ANKRD62: variants seen among roughly 807,000 people sequenced by gnomAD.
ANKRD62 encodes ankyrin repeat domain-containing protein 62.
ANKRD62 carries 61 observed loss-of-function variants against 98.8 expected under a neutral mutation model. That is an observed-to-expected ratio of 0.62 (90% CI 0.50 to 0.76). ANKRD62 has a LOEUF of 0.76. Among genes scored for constraint, ANKRD62 ranks in the 30% least tolerant of loss-of-function variants. ANKRD62 has a pLI of 0.00. For missense variants in ANKRD62, 933 were observed against 1,082.9 expected, an observed-to-expected ratio of 0.86 and a Z score of 1.94; for synonymous variants, 341 against 367.9, an observed-to-expected ratio of 0.93 and a Z score of 0.84.
rs759945496 is a variant in ANKRD62 at position 12,126,058 on chromosome 18, G to A, written c.2237G>A (p.Arg746His). ...CAAGGAGTCCTAAGCCGAACACAGC[G>A]TCGATTGGAGGACATTGAACACATG... ...HMQGVLSRTQ[R>H]RLEDIEHMYQ... The change falls in exon 13 of 14, where the codon CGT (arginine) becomes CAT (histidine). Residue 746 changes from arginine to histidine, a missense_variant. By Grantham distance (29) the Arg-to-His change is conservative. Transcript: ENST00000587848. The A allele has an allele frequency of 2.6e-5, 40 of 1,536,198 alleles. No homozygotes were observed. The highest frequency in any genetic ancestry group is 1.2e-4 in the South Asian group (10 of 84,062).
chr18:12,167,726 G>C, the ANKRD62 span, among the ~76,000 whole-genome samples: 1 of 152,158 alleles, frequency 6.6e-6, no homozygotes, highest in Non-Finnish European at 1.5e-5. Context: ...CTTCCACAAT[G>C]GTTGAACTAG....
chr18:12,159,220 G>A, the ANKRD62 span, among the ~76,000 whole-genome samples: 1 of 152,274 alleles, frequency 6.6e-6, no homozygotes, highest in Non-Finnish European at 1.5e-5. Context: ...GCTTGGAAGA[G>A]GTGAGGAGAA....
downstream of ANKRD62, among the ~76,000 whole-genome samples, chr18:12,134,577 A>G (rs1312798165): frequency 3.3e-5 from 5 of 151,962 alleles, no homozygotes; most frequent in Non-Finnish European, 7.4e-5. Flanking sequence ...TCCTGTGTCC[A>G]GGTGTTCTCA....
At chr18:12,102,438 C>A (rs552889797) in intron 6 of ANKRD62, 8 of 474,498 alleles carry the variant, frequency 1.7e-5, no homozygotes, top group African/African-American at 9.7e-5. Flanking sequence ...CCTTGGGCAC[C>A]GCGAAGGGTA....
the ANKRD62 span, among the ~76,000 whole-genome samples, chr18:12,158,494 C>A: frequency 2.0e-5 from 3 of 151,954 alleles, no homozygotes; most frequent in East Asian, 3.9e-4. Flanking sequence ...ATTGTTAATA[C>A]CCTACAAAAT....
At chr18:12,173,749 C>T in the ANKRD62 span, among the ~76,000 whole-genome samples, 5 of 152,156 alleles carry the variant, frequency 3.3e-5, no homozygotes. Flanking sequence ...ATTTATGAAG[C>T]TTAGTTTGGC....
intron 10 of ANKRD62, among the ~76,000 whole-genome samples, chr18:12,117,633 C>G (rs1008884703): frequency 1.3e-5 from 2 of 152,120 alleles, no homozygotes; most frequent in African/African-American, 4.8e-5. Context: ...AGGAAGGTCC[C>G]TGGATTCTTA....
chr18:12,124,088 T>C (rs1160366603), intron 11 of ANKRD62, 49 bp from the exon 12 acceptor site: 2 of 949,828 alleles, frequency 2.1e-6, no homozygotes, highest in East Asian at 5.5e-5. Flanking sequence ...AACCAGCATA[T>C]GAGTGTTTTG....
At position 12,103,210 on chromosome 18, in the gene ANKRD62, T is replaced by C. The variant is rs1352839067; in HGVS notation, c.873T>C (p.Cys291=). The C allele has an allele frequency of 4.4e-6, 6 of 1,360,564 alleles. No homozygotes were observed. Among genetic ancestry groups the C allele is most frequent in the African/African-American group, 1.5e-5 (1 of 66,898 alleles). 84.3% of individuals were successfully genotyped at this position (1,360,564 alleles called of 1,614,324 possible). The change falls in exon 7 of 14, where the codon TGT becomes TGC. Residue 291 remains cysteine, a synonymous_variant. Coordinates refer to ENST00000587848, the MANE Select transcript of ANKRD62 (RefSeq NM_001277333.2). ...GAGAGCAAGAAAGGCTTGAAGGATGTGAAAGTAGCCAGCCACAGGTATGTA... is the reference window on the plus strand; with the variant it reads ...GAGAGCAAGAAAGGCTTGAAGGATGCGAAAGTAGCCAGCCACAGGTATGTA... ...SEGEQERLEG[C]ESSQPQVEEK...
chr18:12,172,380 A>T, the ANKRD62 span, among the ~76,000 whole-genome samples: 1 of 152,190 alleles, frequency 6.6e-6, no homozygotes, highest in Non-Finnish European at 1.5e-5. Context: ...CCTCAGCTGC[A>T]GGTCTGTTGG....
chr18:12,167,494 C>T, the ANKRD62 span, among the ~76,000 whole-genome samples: 1 of 152,194 alleles, frequency 6.6e-6, no homozygotes, highest in African/African-American at 2.4e-5. Context: ...CATAGTATTC[C>T]ATGGTGTATA....
chr18:12,121,673 C>T (rs1468470076), intron 10 of ANKRD62, among the ~76,000 whole-genome samples: 2 of 152,178 alleles, frequency 1.3e-5, no homozygotes, highest in African/African-American at 4.8e-5. Context: ...TTGTCATGGC[C>T]TGGAAGCTCT....
At chr18:12,150,413 C>A in the ANKRD62 span, among the ~76,000 whole-genome samples, 1 of 152,212 alleles carries the variant, frequency 6.6e-6, no homozygotes. Flanking sequence ...CTTCCCCAAA[C>A]TTGCTAGAGA....
In ANKRD62 at chr18:12,103,153, A is replaced by G; in HGVS notation, c.821-5A>G. ...TTTTAACTAAATATATGGATTTGTG[A>G]GCAGAACAAGACTTAGAAATGACAT... On this transcript the variant is annotated splice_polypyrimidine_tract_variant and splice_region_variant and intron_variant, in intron 6 of 13. Transcript: ENST00000587848. The G allele has an allele frequency of 1.5e-6, 2 of 1,375,580 alleles. No individual in the cohort carries two copies. The highest frequency in any genetic ancestry group is 1.9e-6 in the Non-Finnish European group (2 of 1,056,850). The allele number at this position is 1,375,580 out of a possible 1,614,324, so 85.2% of individuals were successfully genotyped here. A position where few individuals can be genotyped will look rare whatever the true frequency, so the allele number is the denominator to read the frequency against.
rs1909101505 is a variant in ANKRD62, at chr18:12,093,847, C to T, written c.-171C>T. On this transcript the variant is annotated 5_prime_UTR_variant, in exon 1 of 14. Transcript: ENST00000587848. The stretch of plus-strand genomic sequence containing the variant: ...ACATGCGCGCTGGTGCCTAACGGCT[C>T]TGCTGGGCTAGGTGCTCCTCCGAGC... 1 of 651,388 alleles carries T rather than the reference C, an allele frequency of 1.5e-6. No homozygotes were observed. Among genetic ancestry groups the T allele is most frequent in the South Asian group, 1.9e-5 (1 of 53,694 alleles). 40.4% of individuals were successfully genotyped at this position (651,388 alleles called of 1,614,324 possible). A position where few individuals can be genotyped will look rare whatever the true frequency, so the allele number is the denominator to read the frequency against.
At chr18:12,174,051 G>A in the ANKRD62 span, among the ~76,000 whole-genome samples, 11 of 152,314 alleles carry the variant, frequency 7.2e-5, no homozygotes, top group Non-Finnish European at 1.2e-4. Context: ...TAGCTAGGTT[G>A]GGGAAGTTCT....
intron 5 of ANKRD62, among the ~76,000 whole-genome samples, chr18:12,099,395 C>T (rs1909251090): frequency 6.6e-6 from 1 of 151,630 alleles, no homozygotes; most frequent in Non-Finnish European, 1.5e-5. Context: ...ATTATGTCAA[C>T]TTCACATGAG....
At chr18:12,113,169 A>G (rs1192120975) in intron 8 of ANKRD62, among the ~76,000 whole-genome samples, 1 of 152,090 alleles carries the variant, frequency 6.6e-6, no homozygotes, top group Non-Finnish European at 1.5e-5. Flanking sequence ...TGCTGGGATT[A>G]CAGATGTCAG....
At chr18:12,156,620 C>T in the ANKRD62 span, among the ~76,000 whole-genome samples, 1 of 152,128 alleles carries the variant, frequency 6.6e-6, no homozygotes, top group Non-Finnish European at 1.5e-5. Flanking sequence ...ATTTTATACA[C>T]ATCTGTGTGT....
Sources: allele counts gnomAD v4.1 joint callset (sites outside exome capture counted in the v4.1 genomes callset), GRCh38; gene constraint gnomAD v4.1.1; transcripts MANE v1.5; gene names NCBI Gene and HGNC (gene_info 2026-07-23, HGNC 2026-07-21).